The following HTR2C variants were observed in gnomAD, a reference collection of about 807,000 sequenced individuals.
The protein encoded by HTR2C is 5-hydroxytryptamine (serotonin) receptor 2C, G protein-coupled.
A neutral mutation model predicts 21.0 loss-of-function variants in HTR2C; 5 were observed. That is an observed-to-expected ratio of 0.24 (90% CI 0.12 to 0.50). The LOEUF (loss-of-function observed/expected upper bound fraction) is 0.50. Ranked by LOEUF, HTR2C falls within the 20% of genes least tolerant of loss-of-function variation. The pLI is 0.98. For synonymous variants in HTR2C, 150 were observed against 145.3 expected (o/e 1.03, Z -0.23); for missense variants, 271 against 371.2 (o/e 0.73, Z 2.22).
At chrX:114,869,310 A>G (rs1016407913) in intron 5 of HTR2C, among the ~76,000 whole-genome samples, 40 of 111,899 alleles carry the variant, frequency 3.6e-4, no homozygotes, top group African/African-American at 1.1e-3. Flanking sequence ...ATATGTGTGC[A>G]TGTGTCTTTA....
At chrX:114,708,035 T>C (rs1197110625) in intron 2 of HTR2C, among the ~76,000 whole-genome samples, 1 of 111,678 alleles carries the variant, frequency 9.0e-6, no homozygotes, top group Non-Finnish European at 1.9e-5. Context: ...AAATTTTTGC[T>C]GAGAGTTGTT....
chrX:114,833,184 G>A (rs1556461901), intron 4 of HTR2C, among the ~76,000 whole-genome samples: 3 of 100,710 alleles, frequency 3.0e-5, no homozygotes, highest in African/African-American at 1.1e-4. Flanking sequence ...GTCTCTACCC[G>A]GCTTTGGTAT....
chrX:114,717,847 C>T (rs1431553010), intron 2 of HTR2C, among the ~76,000 whole-genome samples: 1 of 111,359 alleles, frequency 9.0e-6, no homozygotes, highest in East Asian at 2.8e-4. Context: ...TCCTACCTTC[C>T]CATCAATCAG....
intron 4 of HTR2C, among the ~76,000 whole-genome samples, chrX:114,779,469 T>C (rs782798516): frequency 9.0e-6 from 1 of 111,705 alleles, no homozygotes; most frequent in South Asian, 3.7e-4. Context: ...ATGTTTTCCA[T>C]ATAGGTTGGT....
intron 4 of HTR2C, among the ~76,000 whole-genome samples, chrX:114,751,312 C>T (rs782294168): frequency 8.9e-6 from 1 of 111,998 alleles, no homozygotes; most frequent in South Asian, 3.7e-4. Flanking sequence ...ATGCAGCTTA[C>T]TTATTTCTCA....
intron 5 of HTR2C, among the ~76,000 whole-genome samples, chrX:114,898,151 T>C (rs1403638071): frequency 1.8e-5 from 2 of 113,014 alleles, no homozygotes; most frequent in East Asian, 5.5e-4. Context: ...ATTTCTCTAA[T>C]AATCAGCGAT....
chrX:114,598,728 T>C (rs1297731532), intron 1 of HTR2C, among the ~76,000 whole-genome samples: 2 of 111,400 alleles, frequency 1.8e-5, no homozygotes, highest in African/African-American at 6.5e-5. Flanking sequence ...ACCAGCAAAG[T>C]ACTTTATAAT....
intron 4 of HTR2C, among the ~76,000 whole-genome samples, chrX:114,786,817 A>G (rs986665976): frequency 2.7e-5 from 3 of 111,005 alleles, no homozygotes; most frequent in African/African-American, 9.8e-5. Context: ...TAGGGGTCTC[A>G]GTTTCTAAGT....
intron 4 of HTR2C, among the ~76,000 whole-genome samples, chrX:114,760,710 A>C (rs1556432067): frequency 9.1e-6 from 1 of 109,839 alleles, no homozygotes; most frequent in African/African-American, 3.3e-5. Context: ...ATTTGTAGAG[A>C]TAGGGTCTCA....
intron 2 of HTR2C, among the ~76,000 whole-genome samples, chrX:114,680,664 A>T (rs1443962640): frequency 9.0e-6 from 1 of 111,525 alleles, no homozygotes; most frequent in African/African-American, 3.3e-5. Context: ...TATAAGGAAG[A>T]TATCTTTCAC....
intron 4 of HTR2C, among the ~76,000 whole-genome samples, chrX:114,806,987 C>A (rs1316041212): frequency 1.0e-5 from 1 of 95,704 alleles, no homozygotes; most frequent in Admixed American, 1.2e-4. Flanking sequence ...ATATATATAC[C>A]ACATATATAT....
In HTR2C at chrX:114,731,270, GT is replaced by G. The variant is rs371148134; in HGVS notation, c.36-13del. Reference sequence around the variant, plus strand: ...TAAGTAATATAATATGTACCTGATTGTTTTTTTTTTTCTTAATTTTCAGTGT... The same window carrying G: ...TAAGTAATATAATATGTACCTGATTGTTTTTTTTTTCTTAATTTTCAGTGT... On this transcript the variant is annotated intron_variant, in intron 3 of 5. Transcript: ENST00000276198. 2,588 of 880,150 alleles carry G rather than the reference GT, an allele frequency of 2.9e-3. 4 individuals carry two copies. The highest frequency in any genetic ancestry group is 0.012 in the South Asian group (474 of 38,092). The allele number at this position is 880,150 out of a possible 1,213,427, so 72.5% of individuals were successfully genotyped here.
chrX:114,907,885 C>CCACCGAG lies in HTR2C; in HGVS notation c.*470_*471insCACCGAG. On this transcript the variant is annotated 3_prime_UTR_variant, in exon 6 of 6. Coordinates refer to ENST00000276198, the MANE Select transcript of HTR2C (RefSeq NM_000868.4). ...ATACACTTTACATTCTTGCTCTGCTCATCTACACATATAAACACAGTAAGA... is the reference window on the plus strand; with the variant it reads ...ATACACTTTACATTCTTGCTCTGCTCCACCGAGATCTACACATATAAACACAGTAAGA... 5.3e-4 allele frequency: 60 copies of CCACCGAG among 114,208 alleles called. No homozygotes were observed. The highest frequency in any genetic ancestry group is 2.1e-3 in the South Asian group (6 of 2,830). 9.4% of individuals were successfully genotyped at this position (114,208 alleles called of 1,213,427 possible).
At chrX:114,826,833 A>C (rs1355080414) in intron 4 of HTR2C, among the ~76,000 whole-genome samples, 1 of 111,522 alleles carries the variant, frequency 9.0e-6, no homozygotes, top group African/African-American at 3.3e-5. Context: ...GTTTGGACTT[A>C]TGTCTACCGT....
intron 5 of HTR2C, among the ~76,000 whole-genome samples, chrX:114,852,537 T>C (rs1556469546): frequency 8.9e-6 from 1 of 111,782 alleles, no homozygotes; most frequent in African/African-American, 3.2e-5. Flanking sequence ...TACTTGGAAA[T>C]ATGTCCTGGA....
intron 4 of HTR2C, among the ~76,000 whole-genome samples, chrX:114,814,890 A>C (rs2070568727): frequency 9.8e-6 from 1 of 102,025 alleles, no homozygotes; most frequent in African/African-American, 3.5e-5. Context: ...TAGAATATAT[A>C]TTATAATATT....
intron 2 of HTR2C, among the ~76,000 whole-genome samples, chrX:114,638,484 A>G (rs1602654454): frequency 1.4e-5 from 1 of 69,870 alleles, no homozygotes; most frequent in Middle Eastern, 7.5e-3. Context: ...TATGTTTTTG[A>G]CCATTATGTA....
At chrX:114,696,584 G>C (rs184189538) in intron 2 of HTR2C, among the ~76,000 whole-genome samples, 12 of 109,538 alleles carry the variant, frequency 1.1e-4, no homozygotes, top group African/African-American at 3.6e-4. Flanking sequence ...AGTAATAGAA[G>C]TAGGAGCAAA....
At chrX:114,664,300 C>T (rs1334174771) in intron 2 of HTR2C, among the ~76,000 whole-genome samples, 2 of 111,134 alleles carry the variant, frequency 1.8e-5, no homozygotes, top group African/African-American at 3.3e-5. Context: ...GGTGGTTTGC[C>T]GCATAGATCA....
Sources: gnomAD v4.1 joint callset for allele counts (sites outside exome capture counted in the v4.1 genomes callset) on GRCh38, gnomAD v4.1.1 for gene constraint, MANE v1.5 for transcripts, NCBI Gene and HGNC (gene_info 2026-07-23, HGNC 2026-07-21) for gene names.